The following GRM1 variants were observed in gnomAD, a reference collection of about 807,000 sequenced individuals.
GRM1 encodes the protein metabotropic glutamate receptor 1.
A neutral mutation model predicts 90.9 loss-of-function variants in GRM1; 33 were observed. That is an observed-to-expected ratio of 0.36 (90% CI 0.28 to 0.49). GRM1 has a LOEUF of 0.49. Among genes scored for constraint, GRM1 ranks in the 20% least tolerant of loss-of-function variants. GRM1 has a pLI of 0.99. For missense variants in GRM1, 1,190 were observed against 1,534.3 expected (o/e 0.78, Z 3.75); for synonymous variants, 700 against 613.2 (o/e 1.14, Z -2.09).
At chr6:146,382,192 T>G (rs1776340988) in intron 5 of GRM1, among the ~76,000 whole-genome samples, 1 of 152,248 alleles carries the variant, frequency 6.6e-6, no homozygotes, top group Non-Finnish European at 1.5e-5. Context: ...AATTAAACAC[T>G]TATTCACTTA....
At chr6:146,355,906 A>G (rs75419837) in intron 4 of GRM1, among the ~76,000 whole-genome samples, 3,902 of 152,304 alleles carry the variant, frequency 0.026, 181 homozygotes, top group African/African-American at 0.089. Flanking sequence ...AGTCAAGCAC[A>G]AAGAGCAAGA....
At position 146,124,582 on chromosome 6, in the gene GRM1, C is replaced by G. The variant is rs563690122; in HGVS notation, c.701-34766C>G. Among the ~76,000 whole-genome samples the G allele has an allele frequency of 3.3e-3, 505 of 152,164 alleles. 3 individuals carry two copies. The highest frequency in any genetic ancestry group is 0.012 in the African/African-American group (487 of 41,552). ...TATTGGCAACAATTATCTTCATGAT[C>G]TTAGTATCAACTATACCTATTTCTG... On this transcript the variant is annotated intron_variant, in intron 1 of 7. Coordinates refer to ENST00000282753, the MANE Select transcript of GRM1 (RefSeq NM_001278064.2).
intron 1 of GRM1, among the ~76,000 whole-genome samples, chr6:146,122,183 T>G (rs1239952359): frequency 6.6e-6 from 1 of 152,198 alleles, no homozygotes; most frequent in Admixed American, 6.5e-5. Flanking sequence ...GATAAAAATC[T>G]TTTTCCACCG....
chr6:146,231,266 A>G (rs532476085), intron 2 of GRM1, among the ~76,000 whole-genome samples: 10 of 152,256 alleles, frequency 6.6e-5, no homozygotes, highest in African/African-American at 2.4e-4. Context: ...AGGCAAGGCT[A>G]TACAGGAAAT....
At chr6:146,088,039 AT>A (rs1776602110) in intron 1 of GRM1, among the ~76,000 whole-genome samples, 1 of 152,196 alleles carries the variant, frequency 6.6e-6, no homozygotes, top group African/African-American at 2.4e-5. Flanking sequence ...GAGTAGCTGT[AT>A]CATTTTACAT....
At chr6:146,192,650 A>G (rs1283065144) in intron 2 of GRM1, among the ~76,000 whole-genome samples, 3 of 152,192 alleles carry the variant, frequency 2.0e-5, no homozygotes, top group Admixed American at 6.5e-5. Context: ...TACTCTTTCT[A>G]AACCAGTAAC....
chr6:146,105,604 G>A (rs1777200366), intron 1 of GRM1, among the ~76,000 whole-genome samples: 1 of 151,348 alleles, frequency 6.6e-6, no homozygotes, highest in Admixed American at 6.6e-5. Context: ...AAAAGGACAG[G>A]CAATTCAATA....
intron 5 of GRM1, among the ~76,000 whole-genome samples, chr6:146,375,911 T>A (rs1298018380): frequency 6.6e-6 from 1 of 152,086 alleles, no homozygotes; most frequent in Non-Finnish European, 1.5e-5. Context: ...TTTTGTTATT[T>A]GTTTTCTGGT....
At chr6:146,114,376 A>T (rs1356261425) in intron 1 of GRM1, among the ~76,000 whole-genome samples, 1 of 152,234 alleles carries the variant, frequency 6.6e-6, no homozygotes, top group African/African-American at 2.4e-5. Flanking sequence ...TTCTAAAATT[A>T]AAAATGTGTA....
At chr6:146,331,128 A>G (rs1448634369) in intron 3 of GRM1, among the ~76,000 whole-genome samples, 1 of 152,202 alleles carries the variant, frequency 6.6e-6, no homozygotes, top group Non-Finnish European at 1.5e-5. Context: ...TCAGGGAAGG[A>G]GTCTCAGAAG....
At chr6:146,129,674 C>G (rs554023301) in intron 1 of GRM1, among the ~76,000 whole-genome samples, 54 of 152,228 alleles carry the variant, frequency 3.5e-4, no homozygotes, top group Middle Eastern at 3.4e-3. Flanking sequence ...GATTTGATGG[C>G]AACTGCACAT....
intron 7 of GRM1, among the ~76,000 whole-genome samples, chr6:146,433,525 AGT>A (rs72224796): frequency 0.05 from 7,438 of 147,866 alleles, 214 homozygotes; most frequent in Middle Eastern, 0.091. Flanking sequence ...GTTTTTCAAA[AGT>A]GTGTGTGTGT....
intron 2 of GRM1, among the ~76,000 whole-genome samples, chr6:146,207,300 A>G (rs1779528722): frequency 6.6e-6 from 1 of 151,930 alleles, no homozygotes. Context: ...GTTTGTAATA[A>G]CAACTCATTG....
intron 2 of GRM1, among the ~76,000 whole-genome samples, chr6:146,236,962 T>A (rs898429632): frequency 1.3e-5 from 2 of 152,108 alleles, no homozygotes; most frequent in African/African-American, 4.8e-5. Flanking sequence ...CTGTATGATG[T>A]CACAAGAGTT....
At chr6:146,257,148 C>T (rs892089383) in intron 2 of GRM1, among the ~76,000 whole-genome samples, 29 of 152,172 alleles carry the variant, frequency 1.9e-4, no homozygotes, top group East Asian at 5.8e-4. Flanking sequence ...ATAATTAATT[C>T]GTTCATTAGC....
chr6:146,045,484 C>A (rs1288566389), intron 1 of GRM1, among the ~76,000 whole-genome samples: 1 of 151,848 alleles, frequency 6.6e-6, no homozygotes, highest in African/African-American at 2.4e-5. Flanking sequence ...ACACTTGGTA[C>A]ACATTTGTTC....
rs570528068 is a variant in GRM1, at chr6:146,162,841, C to A, written c.950+3244C>A. Among the ~76,000 whole-genome samples, 101 of 92,792 alleles carry A rather than the reference C, an allele frequency of 1.1e-3. No individual in the cohort carries two copies. In the African/African-American group the frequency reaches 0.014, roughly 13 times the overall value. The allele number at this position is 92,792 out of a possible 152,430, so 60.9% of individuals were successfully genotyped here. A position where few individuals can be genotyped will look rare whatever the true frequency, so the allele number is the denominator to read the frequency against. On this transcript the variant is annotated intron_variant, in intron 2 of 7. Transcript: ENST00000282753. ...AAAAACAAAACAAAACAAAACAAAA[C>A]GTGGACTAAGAGTTCTAGCTATGCC...
chr6:146,327,254 A>G (rs1218632883), intron 3 of GRM1, among the ~76,000 whole-genome samples: 1 of 152,166 alleles, frequency 6.6e-6, no homozygotes. Context: ...TGACTTTTTA[A>G]AATATGGAAA....
intron 2 of GRM1, among the ~76,000 whole-genome samples, chr6:146,166,821 A>T (rs1777924578): frequency 6.6e-6 from 1 of 152,074 alleles, no homozygotes; most frequent in Admixed American, 6.6e-5. Context: ...TACATCATAA[A>T]ACTGGGGAGG....
Sources: gnomAD v4.1 joint callset for allele counts (sites outside exome capture counted in the v4.1 genomes callset) on GRCh38, gnomAD v4.1.1 for gene constraint, MANE v1.5 for transcripts, NCBI Gene and HGNC (gene_info 2026-07-23, HGNC 2026-07-21) for gene names.